FRRS1: variants seen among roughly 807,000 people sequenced by gnomAD.
FRRS1 encodes the protein ferric reductase 1.
A neutral mutation model predicts 70.7 loss-of-function variants in FRRS1; 51 were observed. That is an observed-to-expected ratio of 0.72 (90% CI 0.58 to 0.91). The LOEUF (loss-of-function observed/expected upper bound fraction) is 0.91, where lower values mean the gene tolerates loss of function less well. Ranked by LOEUF, FRRS1 falls within the 40% of genes least tolerant of loss-of-function variation. The pLI, the probability that FRRS1 is intolerant of heterozygous loss-of-function variation, is 0.00. For synonymous variants in FRRS1, 225 were observed against 238.7 expected, an observed-to-expected ratio of 0.94 and a Z score of 0.53; for missense variants, 672 against 726.0, an observed-to-expected ratio of 0.93 and a Z score of 0.86.
At chr1:99,746,800 T>C (rs1442247359) in intron 4 of FRRS1, among the ~76,000 whole-genome samples, 1 of 152,164 alleles carries the variant, frequency 6.6e-6, no homozygotes, top group Admixed American at 6.5e-5. Flanking sequence ...TGGTACCATA[T>C]AGAAACATTT....
chr1:99,744,996 A>T (rs1394938409), intron 4 of FRRS1, among the ~76,000 whole-genome samples: 1 of 149,624 alleles, frequency 6.7e-6, no homozygotes, highest in African/African-American at 2.4e-5. Flanking sequence ...AAAAAAAAAA[A>T]AGAAAGAAAG....
intron 1 of FRRS1, among the ~76,000 whole-genome samples, chr1:99,766,261 A>G (rs1331739976): frequency 6.6e-6 from 1 of 152,072 alleles, no homozygotes. Flanking sequence ...ATAAAAAAAG[A>G]GTTCCTACAG....
intron 6 of FRRS1, among the ~76,000 whole-genome samples, chr1:99,739,446 G>A (rs907197106): frequency 5.3e-5 from 8 of 152,162 alleles, no homozygotes; most frequent in African/African-American, 1.9e-4. Context: ...AGCCTAAACT[G>A]AGAGCTAGTA....
intron 9 of FRRS1, among the ~76,000 whole-genome samples, chr1:99,723,209 CA>C (rs1167044849): frequency 2.0e-5 from 3 of 152,160 alleles, no homozygotes; most frequent in Non-Finnish European, 4.4e-5. Flanking sequence ...CACTATTGCA[CA>C]GTTATTATTC....
chr1:99,727,411 T>C (rs1655126778), intron 9 of FRRS1, among the ~76,000 whole-genome samples: 1 of 152,222 alleles, frequency 6.6e-6, no homozygotes, highest in Non-Finnish European at 1.5e-5. Flanking sequence ...CACCTATATC[T>C]AAATCTAAAA....
rs140876774 is a variant in FRRS1, at chr1:99,758,786, G to A, written c.-106+7821C>T. On this transcript the variant is annotated intron_variant, in intron 1 of 16. Transcript: ENST00000646001. ...CAGATGTGCAAGTAGGGAAGATATC[G>A]CTAAATTCTTTTCCTAGCAAGGAAT... Among the ~76,000 whole-genome samples the A allele has an allele frequency of 8.7e-4, 132 of 152,184 alleles. 2 individuals carry two copies. The highest frequency in any genetic ancestry group is 2.8e-3 in the African/African-American group (117 of 41,528).
intron 1 of FRRS1, among the ~76,000 whole-genome samples, chr1:99,761,728 T>C (rs1657118755): frequency 6.6e-6 from 1 of 152,096 alleles, no homozygotes; most frequent in Non-Finnish European, 1.5e-5. Context: ...GGAAGAAACA[T>C]ACAAGGGTTT....
At chr1:99,713,381 AC>A (rs1243444715) in intron 12 of FRRS1, among the ~76,000 whole-genome samples, 1 of 152,248 alleles carries the variant, frequency 6.6e-6, no homozygotes, top group Non-Finnish European at 1.5e-5. Context: ...AATAAGTGTT[AC>A]CTTTGTCCAA....
chr1:99,713,197 A>C (rs1654359126), intron 12 of FRRS1, among the ~76,000 whole-genome samples: 1 of 152,196 alleles, frequency 6.6e-6, no homozygotes, highest in Non-Finnish European at 1.5e-5. Context: ...TACCACCCCC[A>C]TTTTACAGGT....
rs1351640571 is a variant in FRRS1 at position 99,731,511 on chromosome 1, A to G, written c.760-1763T>C. On this transcript the variant is annotated intron_variant, in intron 7 of 16. Transcript: ENST00000646001. ...GAAATTTGGAGCAATCATGACTTAA[A>G]CCAGGAGTCAACAAACCATGGCCAG... Among the ~76,000 whole-genome samples the G allele has an allele frequency of 2.6e-5, 4 of 152,222 alleles. No individual in the cohort carries two copies. The East Asian group carries it at 7.7e-4, about 29-fold the overall frequency.
intron 4 of FRRS1, among the ~76,000 whole-genome samples, chr1:99,742,892 T>A (rs954417456): frequency 6.6e-6 from 1 of 152,184 alleles, no homozygotes; most frequent in East Asian, 1.9e-4. Context: ...GATGTGCTTA[T>A]ATGTAAAGTA....
chr1:99,765,925 A>G (rs1021863437), intron 1 of FRRS1: 1 of 152,152 alleles, frequency 6.6e-6, no homozygotes, highest in African/African-American at 2.4e-5. Flanking sequence ...GAATAAATAA[A>G]TAAATAAAAA....
intron 1 of FRRS1, among the ~76,000 whole-genome samples, chr1:99,759,094 C>A (rs1475409776): frequency 6.6e-6 from 1 of 152,158 alleles, no homozygotes; most frequent in East Asian, 1.9e-4. Flanking sequence ...CTGCTTTTGC[C>A]CTTTGTCCTG....
At chr1:99,757,854 C>G (rs894381338) in intron 1 of FRRS1, among the ~76,000 whole-genome samples, 2 of 151,682 alleles carry the variant, frequency 1.3e-5, no homozygotes, top group African/African-American at 4.8e-5. Flanking sequence ...GAAAATAGAA[C>G]CACCATTTAT....
chr1:99,760,292 T>C (rs936485076), intron 1 of FRRS1, among the ~76,000 whole-genome samples: 1 of 152,242 alleles, frequency 6.6e-6, no homozygotes, highest in Non-Finnish European at 1.5e-5. Context: ...TGCATGTTTC[T>C]TGCATTTGTA....
intron 1 of FRRS1, among the ~76,000 whole-genome samples, chr1:99,750,589 A>G (rs1656521690): frequency 2.0e-5 from 3 of 152,158 alleles, no homozygotes; most frequent in Admixed American, 2.0e-4. Context: ...AAAGAAGTGA[A>G]GTATGGGCTT....
intron 10 of FRRS1, 35 bp downstream of exon 10, chr1:99,719,499 G>A (rs114530804): frequency 5.4e-6 from 6 of 1,102,130 alleles, no homozygotes; most frequent in East Asian, 2.4e-5. Context: ...CAGCAGGTAA[G>A]TTGATTCCAC....
At chr1:99,747,190 G>C in intron 4 of FRRS1, 104 bp downstream of exon 4, 1 of 807,676 alleles carries the variant, frequency 1.2e-6, no homozygotes, top group Non-Finnish European at 2.0e-6. Context: ...TTGTAGTTAA[G>C]TCTGGGGGGA....
intron 1 of FRRS1, among the ~76,000 whole-genome samples, chr1:99,764,741 A>G (rs968614643): frequency 8.5e-5 from 13 of 152,216 alleles, no homozygotes; most frequent in Non-Finnish European, 1.5e-5. Flanking sequence ...CTCACTTGTT[A>G]GAGACAATGC....
Sources: gnomAD v4.1 joint callset for allele counts (sites outside exome capture counted in the v4.1 genomes callset) on GRCh38, gnomAD v4.1.1 for gene constraint, MANE v1.5 for transcripts, NCBI Gene and HGNC (gene_info 2026-07-23, HGNC 2026-07-21) for gene names.